Variants in FKBP7 observed in about 807,000 individuals in gnomAD.
FKBP7 encodes the protein FKBP prolyl isomerase 7, also known as peptidyl-prolyl cis-trans isomerase FKBP7.
A neutral mutation model predicts 24.3 loss-of-function variants in FKBP7; 24 were observed. The ratio of observed to expected loss-of-function variants is 0.99; its 90% CI spans 0.72 to 1.39. The LOEUF is 1.39. Ranked by LOEUF, FKBP7 falls within the 40% of genes most tolerant of loss-of-function variation. The pLI is 0.00. For synonymous variants in FKBP7, 98 were observed against 92.8 expected, an observed-to-expected ratio of 1.06 and a Z score of -0.32; for missense variants, 257 against 269.5, an observed-to-expected ratio of 0.95 and a Z score of 0.33.
At chr2:178,474,598 G>C (rs1249608662) in intron 2 of FKBP7, among the ~76,000 whole-genome samples, 2 of 152,220 alleles carry the variant, frequency 1.3e-5, no homozygotes, top group African/African-American at 2.4e-5. Context: ...ATTGGGAGTA[G>C]TGTCTACTTT....
At chr2:178,473,776 C>T (rs958736665) in intron 2 of FKBP7, among the ~76,000 whole-genome samples, 2 of 152,192 alleles carry the variant, frequency 1.3e-5, no homozygotes, top group Non-Finnish European at 2.9e-5. Context: ...TAGAAGTGGC[C>T]TCAACTTTTG....
chr2:178,472,669 C>T (rs1485315041), intron 2 of FKBP7, among the ~76,000 whole-genome samples: 2 of 151,508 alleles, frequency 1.3e-5, no homozygotes, highest in Admixed American at 1.3e-4. Context: ...GCCAACATGG[C>T]GAAACCCCAT....
intron 2 of FKBP7, among the ~76,000 whole-genome samples, chr2:178,476,858 A>T (rs1685018010): frequency 1.3e-5 from 2 of 151,186 alleles, no homozygotes; most frequent in South Asian, 4.2e-4. Flanking sequence ...ATATGCATGT[A>T]TTCATTTTGT....
Position 178,469,826 on chromosome 2 carries a change from A to T in FKBP7, c.374-41T>A, listed in dbSNP as rs780303943. On this transcript the variant is annotated intron_variant, in intron 2 of 3. Transcript: ENST00000424785. The stretch of plus-strand genomic sequence containing the variant: ...TTAACAGTTTAACTTATGTAAAGAT[A>T]TAGTTCAAATATCTATTCATGAACT... The T allele has an allele frequency of 3.2e-6, 5 of 1,543,196 alleles. No individual in the cohort carries two copies. In the East Asian group the frequency reaches 1.1e-4, roughly 35 times the overall value.
At chr2:178,476,930 C>G (rs981036991) in intron 2 of FKBP7, 132 bp downstream of exon 2, 6 of 641,386 alleles carry the variant, frequency 9.4e-6, no homozygotes, top group Non-Finnish European at 1.6e-5. Flanking sequence ...TTGTACATGG[C>G]TGCTATGAGC....
intron 2 of FKBP7, 78 bp from the exon 3 acceptor site, chr2:178,469,863 A>G (rs952674406): frequency 1.7e-6 from 2 of 1,149,544 alleles, no homozygotes; most frequent in South Asian, 3.6e-5. Context: ...CCATAACCAT[A>G]TTATATTATT....
At chr2:178,478,046 G>GTATC (rs564933922) in intron 1 of FKBP7, among the ~76,000 whole-genome samples, 14 of 152,234 alleles carry the variant, frequency 9.2e-5, no homozygotes, top group Admixed American at 8.5e-4. Flanking sequence ...GTGTGTGGAT[G>GTATC]TATCGTATTT....
chr2:178,469,631 C>T (rs2154126760), intron 3 of FKBP7, 21 bp downstream of exon 3: 2 of 1,612,910 alleles, frequency 1.2e-6, no homozygotes, highest in Non-Finnish European at 1.7e-6. Flanking sequence ...AGACTATACA[C>T]ATGAAATTGG....
intron 2 of FKBP7, among the ~76,000 whole-genome samples, 159 bp from the exon 3 acceptor site, chr2:178,469,944 C>T (rs556543125): frequency 1.3e-5 from 2 of 151,510 alleles, no homozygotes; most frequent in Admixed American, 6.6e-5. Flanking sequence ...TAACTTTTTT[C>T]GGCTTTTCAA....
At chr2:178,469,845 A>G in intron 2 of FKBP7, 60 bp from the exon 3 acceptor site, 1 of 1,359,054 alleles carries the variant, frequency 7.4e-7, no homozygotes, top group South Asian at 1.2e-5. Flanking sequence ...ATATCTATTC[A>G]TGAACTGCCA....
chr2:178,476,905 T>G (rs1002647724), intron 2 of FKBP7, among the ~76,000 whole-genome samples, 157 bp downstream of exon 2: 1 of 152,162 alleles, frequency 6.6e-6, no homozygotes, highest in East Asian at 1.9e-4. Flanking sequence ...GTGGCTTGCT[T>G]CCATCTCTTG....
chr2:178,472,901 G>GTTT (rs202059949), intron 2 of FKBP7: 236 of 177,680 alleles, frequency 1.3e-3, no homozygotes, highest in African/African-American at 3.9e-3. Context: ...TCTTTTTCTT[G>GTTT]TTTTTTTTTT....
At chr2:178,478,147 A>T in intron 1 of FKBP7, 132 bp downstream of exon 1, 1 of 876,026 alleles carries the variant, frequency 1.1e-6, no homozygotes, top group Non-Finnish European at 1.7e-6. Flanking sequence ...GATTTTTTTT[A>T]ATGAATAAAG....
chr2:178,478,376 G>T lies in FKBP7; in HGVS notation c.124C>A (p.Arg42Ser). 1 of 1,614,180 alleles carries T rather than the reference G, an allele frequency of 6.2e-7. No individual in the cohort carries two copies. The highest frequency in any genetic ancestry group is 2.2e-5 in the East Asian group (1 of 44,878). Reference sequence around the variant, plus strand: ...CTTGTCTTAGAGCAGTTTTCTGGACGATGCAAAACTTCTATTTTCACTTCT... The same window carrying T: ...CTTGTCTTAGAGCAGTTTTCTGGACTATGCAAAACTTCTATTTTCACTTCT... ...TEEVKIEVLH[R>S]PENCSKTSKK... is the part of the protein sequence containing the mutation. The change falls in exon 1 of 4, where the codon CGT becomes AGT. Residue 42 changes from arginine to serine, a missense_variant. Physicochemically the swap from Arg to Ser is moderately radical, Grantham distance 110. Coordinates refer to ENST00000424785, the MANE Select transcript of FKBP7 (RefSeq NM_181342.3).
intron 2 of FKBP7, among the ~76,000 whole-genome samples, chr2:178,472,167 C>T (rs923958470): frequency 1.3e-5 from 2 of 151,804 alleles, no homozygotes; most frequent in Non-Finnish European, 1.5e-5. Context: ...CTCCACCTCC[C>T]GAGTTCAAGT....
intron 3 of FKBP7, among the ~76,000 whole-genome samples, chr2:178,467,184 C>T (rs919671500): frequency 1.3e-5 from 2 of 152,122 alleles, no homozygotes; most frequent in African/African-American, 4.8e-5. Context: ...ACTCCTTTTC[C>T]AGTAAACTAC....
chr2:178,473,262 A>G, intron 2 of FKBP7: 1 of 412,530 alleles, frequency 2.4e-6, no homozygotes, highest in Non-Finnish European at 4.9e-6. Flanking sequence ...TTTTAAAATA[A>G]TGTAATCCAA....
At chr2:178,475,103 T>G (rs1049754880) in intron 2 of FKBP7, among the ~76,000 whole-genome samples, 11 of 152,240 alleles carry the variant, frequency 7.2e-5, no homozygotes, top group Non-Finnish European at 1.6e-4. Context: ...TTCCTATTGA[T>G]GGATAGGCAG....
Position 178,478,466 on chromosome 2 carries a change from T to A in FKBP7, c.34A>T (p.Ile12Phe), listed in dbSNP as rs770277809. The A allele has an allele frequency of 5.9e-5, 95 of 1,614,056 alleles. No individual in the cohort carries two copies. The highest frequency in any genetic ancestry group is 7.7e-5 in the Non-Finnish European group (91 of 1,180,036). The change falls in exon 1 of 4, where the codon ATT becomes TTT. Residue 12 changes from isoleucine to phenylalanine, a missense_variant. Ile to Phe is a conservative substitution (Grantham distance 21). Transcript: ENST00000424785. Reference protein sequence around the residue: ...PKTMHFLFRFIVFFYLWGLFT... With the variant: ...PKTMHFLFRFFVFFYLWGLFT... ...AGGCCCCACAGATAAAAGAAAACAA[T>A]GAATCTGAATAAGAAATGCATGGTT...
Sources: gnomAD v4.1 joint callset for allele counts (sites outside exome capture counted in the v4.1 genomes callset) on GRCh38, gnomAD v4.1.1 for gene constraint, MANE v1.5 for transcripts, NCBI Gene and HGNC (gene_info 2026-07-23, HGNC 2026-07-21) for gene names.